Variants in FMNL3 observed in about 807,000 individuals in gnomAD.
FMNL3 encodes formin-like protein 3.
Under a neutral mutation model 119.6 loss-of-function variants are expected in FMNL3, and 57 were observed. The observed-to-expected ratio is 0.48, with a 90% CI of 0.39 to 0.59. The LOEUF (loss-of-function observed/expected upper bound fraction) is 0.59, where lower values mean the gene tolerates loss of function less well. Among genes scored for constraint, FMNL3 ranks in the 20% least tolerant of loss-of-function variants. FMNL3 has a pLI of 0.00. For missense variants in FMNL3, 1,053 were observed against 1,323.5 expected, an observed-to-expected ratio of 0.80 and a Z score of 3.17; for synonymous variants, 491 against 507.3, an observed-to-expected ratio of 0.97 and a Z score of 0.43.
At chr12:49,698,065 A>G (rs760850399) in intron 1 of FMNL3, among the ~76,000 whole-genome samples, 4 of 152,188 alleles carry the variant, frequency 2.6e-5, no homozygotes, top group Non-Finnish European at 5.9e-5. Context: ...CCAAATATCC[A>G]TCTCCTAAAG....
Position 49,642,706 on chromosome 12 carries a change from CA to C in FMNL3, c.*3108del, listed in dbSNP as rs1942838490. 6.2e-7 allele frequency: 1 copy of C among 1,602,938 alleles called. No individual in the cohort carries two copies. The highest frequency in any genetic ancestry group is 1.3e-5 in the African/African-American group (1 of 74,634). On this transcript the variant is annotated 3_prime_UTR_variant, in exon 26 of 26. Transcript: ENST00000335154. This position sits in a 1 kb window ranked among gnomAD's most constrained non-coding sequence, Gnocchi z 5.8. ...GCAGGCTTGTCCTCTGGATCTGCCT[CA>C]GGCCCTTGAACTCATTAGACCAGTT...
In FMNL3 at chr12:49,649,180, GTGC is replaced by G. The variant is rs1943312533; in HGVS notation, c.2386-25_2386-23del. ...GCAGCTAGGAGAGGGGGTGAGGGCG[GTGC>G]ACAAGAGCTAAGCACTCTGGCTCCA... is the stretch of plus-strand genomic sequence containing the variant. On this transcript the variant is annotated intron_variant, in intron 20 of 25. Coordinates refer to ENST00000335154, the MANE Select transcript of FMNL3 (RefSeq NM_175736.5). The surrounding 1 kb of genome is among the most constrained non-coding windows in gnomAD (Gnocchi z 5.6). The G allele has an allele frequency of 1.2e-6, 2 of 1,612,024 alleles. No individual in the cohort carries two copies. The highest frequency in any genetic ancestry group is 1.7e-6 in the Non-Finnish European group (2 of 1,178,886).
chr12:49,644,111 C>G lies in FMNL3; in HGVS notation c.*1704G>C. ...CTTTGCTCCAACAGACAGGCTGGGA[C>G]ACGTCAGAAAGTGAGCTGAGTGAGG... is the stretch of plus-strand genomic sequence containing the variant. On this transcript the variant is annotated 3_prime_UTR_variant, in exon 26 of 26. Coordinates refer to ENST00000335154, the MANE Select transcript of FMNL3 (RefSeq NM_175736.5). The G allele has an allele frequency of 1.2e-6, 2 of 1,614,156 alleles. No homozygotes were observed. Among genetic ancestry groups the G allele is most frequent in the Non-Finnish European group, 1.7e-6 (2 of 1,180,044 alleles).
At chr12:49,648,119 AT>A in intron 22 of FMNL3, 73 bp downstream of exon 22, 5 of 1,467,120 alleles carry the variant, frequency 3.4e-6, no homozygotes, top group Admixed American at 2.4e-5. Flanking sequence ...AAAAAAAAAA[AT>A]AGAACTAGGG....
Position 49,647,391 on chromosome 12 carries a change from G to T in FMNL3, c.2779-23C>A. ...TTCCTAAGAGCCATGGAAGATGGGG[G>T]GTGGGGAGTGAGGCTCATAGGCTGT... is the stretch of plus-strand genomic sequence containing the variant. On this transcript the variant is annotated intron_variant, in intron 23 of 25. Coordinates refer to ENST00000335154, the MANE Select transcript of FMNL3 (RefSeq NM_175736.5). The surrounding 1 kb of genome is among the most constrained non-coding windows in gnomAD (Gnocchi z 4.9). 1 of 1,606,788 alleles carries T rather than the reference G, an allele frequency of 6.2e-7. No homozygotes were observed. The highest frequency in any genetic ancestry group is 1.1e-5 in the South Asian group (1 of 91,052).
chr12:49,671,784 G>A (rs960043888), intron 1 of FMNL3, among the ~76,000 whole-genome samples: 1 of 152,200 alleles, frequency 6.6e-6, no homozygotes, highest in African/African-American at 2.4e-5. Context: ...CACAGACACT[G>A]TAGGCTCCCA....
At chr12:49,675,247 A>AT (rs942205895) in intron 1 of FMNL3, among the ~76,000 whole-genome samples, 5 of 152,188 alleles carry the variant, frequency 3.3e-5, no homozygotes, top group Non-Finnish European at 7.3e-5. Flanking sequence ...CCAACTGAGC[A>AT]CCCAGGCCCT....
rs770134946 is a variant in FMNL3 at position 49,644,211 on chromosome 12, G to T, written c.*1604C>A. 5 of 1,613,652 alleles carry T rather than the reference G, an allele frequency of 3.1e-6. No homozygotes were observed. The highest frequency in any genetic ancestry group is 4.2e-6 in the Non-Finnish European group (5 of 1,179,868). The stretch of plus-strand genomic sequence containing the variant: ...CCAGTGACCCAATGAGCTGTTCTCT[G>T]CCTCGGGTCTGTGTGAGGCCATGGC... On this transcript the variant is annotated 3_prime_UTR_variant, in exon 26 of 26. Transcript: ENST00000335154.
chr12:49,657,149 C>T lies in FMNL3; in HGVS notation c.647G>A (p.Arg216His), dbSNP rs763715351. The change falls in exon 7 of 26, where the codon CGC becomes CAC. Residue 216 changes from arginine to histidine, a missense_variant. Around this residue, in one of 4 missense-constraint regions of FMNL3, gnomAD observed 445 missense variants for 628.4 expected, o/e 0.71. Coordinates refer to ENST00000335154, the MANE Select transcript of FMNL3 (RefSeq NM_175736.5). Reference sequence around the variant, plus strand: ...GACGTCATCCTTCTGGCTCACTAGGCGGGAGTTCTTCAGGGCCCTGCGCCC... The same window carrying T: ...GACGTCATCCTTCTGGCTCACTAGGTGGGAGTTCTTCAGGGCCCTGCGCCC... ...LPGRRALKNS[R>H]LVSQKDDVHV... 51 of 1,614,006 alleles carry T rather than the reference C, an allele frequency of 3.2e-5. No individual in the cohort carries two copies. The highest frequency in any genetic ancestry group is 1.6e-4 in the Middle Eastern group (1 of 6,082).
Position 49,638,362 on chromosome 12 carries a change from G to A in FMNL3, c.*7453C>T, listed in dbSNP as rs1446303215. 1 of 152,860 alleles carries A rather than the reference G, an allele frequency of 6.5e-6. No homozygotes were observed. Among genetic ancestry groups the A allele is most frequent in the Non-Finnish European group, 1.5e-5 (1 of 68,506 alleles). 9.5% of individuals were successfully genotyped at this position (152,860 alleles called of 1,614,324 possible). ...TCTTGTCAATATGGATTATCTAGCA[G>A]TACTGAGCTGGATTTGCAAGGCATT... On this transcript the variant is annotated 3_prime_UTR_variant, in exon 26 of 26. Coordinates refer to ENST00000335154, the MANE Select transcript of FMNL3 (RefSeq NM_175736.5).
Position 49,643,982 on chromosome 12 carries a change from G to T in FMNL3, c.*1833C>A. On this transcript the variant is annotated 3_prime_UTR_variant, in exon 26 of 26. Transcript: ENST00000335154. ...GCAGAGCTCCCTAACCGTTCCCCAG[G>T]CTTTGGAATCAAGAAGGAGAAGGTG... 6.2e-7 allele frequency: 1 copy of T among 1,614,170 alleles called. No individual in the cohort carries two copies. The highest frequency in any genetic ancestry group is 8.5e-7 in the Non-Finnish European group (1 of 1,180,024).
At chr12:49,693,820 G>A (rs1285600179) in intron 1 of FMNL3, among the ~76,000 whole-genome samples, 3 of 151,022 alleles carry the variant, frequency 2.0e-5, no homozygotes, top group African/African-American at 4.9e-5. Flanking sequence ...GGCTAATTTT[G>A]TATTTTTAGT....
chr12:49,639,078 G>C lies in FMNL3; in HGVS notation c.*6737C>G, dbSNP rs904900935. 3 of 152,184 alleles carry C rather than the reference G, an allele frequency of 2.0e-5. No homozygotes were observed. Among genetic ancestry groups the C allele is most frequent in the African/African-American group, 7.2e-5 (3 of 41,442 alleles). The allele number at this position is 152,184 out of a possible 1,614,324, so 9.4% of individuals were successfully genotyped here. ...AACCACATGCCCCAGCTTGGAAGTA[G>C]AGCCCTGCATGTAAAGTGCCTTGAA... On this transcript the variant is annotated 3_prime_UTR_variant, in exon 26 of 26. Coordinates refer to ENST00000335154, the MANE Select transcript of FMNL3 (RefSeq NM_175736.5).
At chr12:49,685,976 A>T (rs1274013236) in intron 1 of FMNL3, among the ~76,000 whole-genome samples, 1 of 152,130 alleles carries the variant, frequency 6.6e-6, no homozygotes, top group Non-Finnish European at 1.5e-5. Context: ...CTGAGGCACG[A>T]GAATCACTTG....
chr12:49,689,099 G>A (rs898336330), intron 1 of FMNL3, among the ~76,000 whole-genome samples: 6 of 151,886 alleles, frequency 4.0e-5, no homozygotes, highest in Non-Finnish European at 8.8e-5. Context: ...GCCTGGGCAA[G>A]AAAGAAAGAT....
In FMNL3 at chr12:49,647,567, C is replaced by T; in HGVS notation, c.2778+136G>A. 2 of 914,326 alleles carry T rather than the reference C, an allele frequency of 2.2e-6. No individual in the cohort carries two copies. Among genetic ancestry groups the T allele is most frequent in the Admixed American group, 4.2e-5 (2 of 47,222 alleles). The allele number at this position is 914,326 out of a possible 1,614,324, so 56.6% of individuals were successfully genotyped here. On this transcript the variant is annotated intron_variant, in intron 23 of 25. Transcript: ENST00000335154. This position sits in a 1 kb window ranked among gnomAD's most constrained non-coding sequence, Gnocchi z 4.9. ...GCCCACCAGTTCACAGCTAAGAGGC[C>T]TGTCACCAGCTTGCATCGCTCCCTT...
chr12:49,699,361 T>A (rs1480049452), intron 1 of FMNL3, among the ~76,000 whole-genome samples: 1 of 152,174 alleles, frequency 6.6e-6, no homozygotes, highest in Non-Finnish European at 1.5e-5. Flanking sequence ...TCCTCTCCAC[T>A]TTGGCTTCTT....
chr12:49,685,406 G>A (rs1438275155), intron 1 of FMNL3, among the ~76,000 whole-genome samples: 3 of 152,084 alleles, frequency 2.0e-5, no homozygotes, highest in Admixed American at 1.3e-4. Context: ...AGGTTGCAGT[G>A]AGCCAAGATG....
rs934923990 is a variant in FMNL3 at position 49,647,224 on chromosome 12, C to A, written c.2871+52G>T. ...TCCTCTAGCCTTCTGACCCCCAGCC[C>A]CCACTCTTTTGCCTTGTCGTCCTCC... is the stretch of plus-strand genomic sequence containing the variant. On this transcript the variant is annotated intron_variant, in intron 24 of 25. Transcript: ENST00000335154. The surrounding 1 kb of genome is among the most constrained non-coding windows in gnomAD (Gnocchi z 4.9). 9.4e-6 allele frequency: 15 copies of A among 1,603,516 alleles called. No individual in the cohort carries two copies. The African/African-American group carries it at 1.9e-4, about 20-fold the overall frequency.
Sources: gnomAD v4.1 joint callset for allele counts (sites outside exome capture counted in the v4.1 genomes callset) on GRCh38, gnomAD v4.1.1 for gene constraint, gnomAD v4.1.1 regional missense constraint, Gnocchi (gnomAD v3.1) non-coding constraint, MANE v1.5 for transcripts, NCBI Gene and HGNC (gene_info 2026-07-23, HGNC 2026-07-21) for gene names.